Variants in SLCO4A1 observed in about 807,000 individuals in gnomAD.
SLCO4A1 encodes colon organic anion transporter.
SLCO4A1 carries 51 observed loss-of-function variants against 64.6 expected under a neutral mutation model. The ratio of observed to expected loss-of-function variants is 0.79; its 90% CI spans 0.63 to 1.00. The LOEUF (loss-of-function observed/expected upper bound fraction) is 1.00, where lower values mean the gene tolerates loss of function less well. Among genes scored for constraint, SLCO4A1 ranks in the 50% least tolerant of loss-of-function variants. The pLI, the probability that SLCO4A1 is intolerant of heterozygous loss-of-function variation, is 0.00. For missense variants in SLCO4A1, 919 were observed against 980.5 expected (o/e 0.94, Z 0.84); for synonymous variants, 471 against 444.9 (o/e 1.06, Z -0.74).
At chr20:62,658,211 C>T (rs1251872389) in intron 2 of SLCO4A1, among the ~76,000 whole-genome samples, 2 of 152,248 alleles carry the variant, frequency 1.3e-5, no homozygotes, top group Admixed American at 6.5e-5. Flanking sequence ...TGGCAGTGCT[C>T]GTCCCAAGAA....
rs866134335 is a variant in SLCO4A1 at position 62,685,280 on chromosome 20, G to A, written n.212-161G>A. Among the ~76,000 whole-genome samples, 25 of 151,206 alleles carry A rather than the reference G, an allele frequency of 1.7e-4. No homozygotes were observed. Among genetic ancestry groups the A allele is most frequent in the African/African-American group, 5.3e-4 (22 of 41,192 alleles). Reference sequence around the variant, plus strand: ...GGTGGTGGGGAGTGGGGGCTGGGTCGGGGCTGGGCCCTGGCTGCCCTGGCT... The same window carrying A: ...GGTGGTGGGGAGTGGGGGCTGGGTCAGGGCTGGGCCCTGGCTGCCCTGGCT... On this transcript the variant is annotated intron_variant and non_coding_transcript_variant, in intron 2 of 2. Transcript: ENST00000466818. The surrounding 1 kb of genome is among the most constrained non-coding windows in gnomAD (Gnocchi z 4.6).
chr20:62,681,455 CGTGTGTACACACTCGTGTGT>C (rs1271335356), intron 2 of SLCO4A1, among the ~76,000 whole-genome samples: 2 of 106,730 alleles, frequency 1.9e-5, no homozygotes, highest in Non-Finnish European at 3.7e-5. Flanking sequence ...TGTATTAAGC[CGTGTGTACACACTCGTGTGT>C]GTGTTAAGCT....
downstream of SLCO4A1, among the ~76,000 whole-genome samples, chr20:62,687,512 T>C (rs191530282): frequency 3.2e-3 from 487 of 152,324 alleles, 4 homozygotes; most frequent in African/African-American, 0.011. Flanking sequence ...TGAGGAGCAC[T>C]TGGCACCCAC....
At chr20:62,669,785 G>C (rs1399941421) in intron 11 of SLCO4A1, among the ~76,000 whole-genome samples, 1 of 152,152 alleles carries the variant, frequency 6.6e-6, no homozygotes, top group Non-Finnish European at 1.5e-5. Context: ...AGGCTTTCCA[G>C]GAGGGAGGTT....
chr20:62,671,640 T>TG, intron 11 of SLCO4A1, 110 bp from the exon 12 acceptor site: 1 of 983,652 alleles, frequency 1.0e-6, no homozygotes, highest in Non-Finnish European at 1.5e-6. Context: ...TCCGTGGACC[T>TG]GGTGAGGGTG....
rs953272263 is a variant in SLCO4A1 at position 62,660,663 on chromosome 20, C to T, written c.1009+130C>T. The stretch of plus-strand genomic sequence containing the variant: ...CAAGTCTGCGGCACACCCTCATTCT[C>T]AGTGTTCTTCCCATCTGGGTGGAGA... On this transcript the variant is annotated intron_variant, in intron 4 of 11. Transcript: ENST00000217159. The T allele has an allele frequency of 3.5e-6, 4 of 1,144,468 alleles. No individual in the cohort carries two copies. The African/African-American group carries it at 6.1e-5, about 17-fold the overall frequency. 70.9% of individuals were successfully genotyped at this position (1,144,468 alleles called of 1,614,324 possible).
intron 2 of SLCO4A1, among the ~76,000 whole-genome samples, chr20:62,678,522 CA>C (rs1297731825): frequency 2.7e-5 from 4 of 150,492 alleles, no homozygotes; most frequent in Non-Finnish European, 5.9e-5. Flanking sequence ...ATGTTTCTTA[CA>C]GCGCTATTCT....
At chr20:62,665,856 T>G (rs888534666) in intron 6 of SLCO4A1, 1 of 82,372 alleles carries the variant, frequency 1.2e-5, no homozygotes, top group Non-Finnish European at 2.4e-5. Context: ...ACCTGTCCCC[T>G]CACCTGTGCC....
At chr20:62,680,676 G>A (rs777770639) in intron 2 of SLCO4A1, among the ~76,000 whole-genome samples, 6 of 151,922 alleles carry the variant, frequency 3.9e-5, no homozygotes, top group Admixed American at 6.6e-5. Context: ...GGTAGATTGC[G>A]CTGGTCGCTT....
intron 1 of SLCO4A1, among the ~76,000 whole-genome samples, chr20:62,653,386 C>T (rs1167295303): frequency 6.6e-6 from 1 of 152,222 alleles, no homozygotes; most frequent in Non-Finnish European, 1.5e-5. Context: ...TGGCCTGCTC[C>T]CGGCCTGACC....
At chr20:62,688,438 C>T (rs1474806036), downstream of SLCO4A1, among the ~76,000 whole-genome samples, 2 of 152,238 alleles carry the variant, frequency 1.3e-5, no homozygotes, top group East Asian at 3.8e-4. Flanking sequence ...CCCCGCTCAC[C>T]TGTAGCCCCA....
intron 1 of SLCO4A1, chr20:62,651,245 G>A (rs887696245): frequency 7.2e-5 from 11 of 152,236 alleles, no homozygotes; most frequent in African/African-American, 2.7e-4. Flanking sequence ...TTTTAATGGG[G>A]AAACGGCCTC....
At chr20:62,688,164 C>T (rs541902025), downstream of SLCO4A1, among the ~76,000 whole-genome samples, 1 of 152,200 alleles carries the variant, frequency 6.6e-6, no homozygotes, top group Non-Finnish European at 1.5e-5. Flanking sequence ...GGCTGACTCA[C>T]ACGCCACCCC....
downstream of SLCO4A1, among the ~76,000 whole-genome samples, chr20:62,676,563 C>T (rs540577082): frequency 4.9e-4 from 74 of 152,330 alleles, no homozygotes; most frequent in African/African-American, 1.7e-3. Context: ...AAGATTTTCC[C>T]ACTCAGGGAA....
chr20:62,643,197 T>A lies in SLCO4A1; in HGVS notation c.-97+644T>A, dbSNP rs913659450. Reference sequence around the variant, plus strand: ...CCTTTCCCTGCCCCACCACGCGACGTCCTGGCCGTGGCTTGGGGGGACCCG... The same window carrying A: ...CCTTTCCCTGCCCCACCACGCGACGACCTGGCCGTGGCTTGGGGGGACCCG... On this transcript the variant is annotated intron_variant, in intron 1 of 11. Coordinates refer to ENST00000217159, the MANE Select transcript of SLCO4A1 (RefSeq NM_016354.4). The A allele has an allele frequency of 3.4e-5, 12 of 352,960 alleles. No individual in the cohort carries two copies. The East Asian group carries it at 1.1e-3, about 33-fold the overall frequency. 21.9% of individuals were successfully genotyped at this position (352,960 alleles called of 1,614,324 possible). A position where few individuals can be genotyped will look rare whatever the true frequency, so the allele number is the denominator to read the frequency against.
chr20:62,674,688 G>A (rs542637128), downstream of SLCO4A1, among the ~76,000 whole-genome samples: 3 of 152,274 alleles, frequency 2.0e-5, no homozygotes, highest in African/African-American at 4.8e-5. Context: ...TTCGTAGGTC[G>A]AAGCCCCAGC....
At chr20:62,679,549 T>C (rs942456525) in intron 2 of SLCO4A1, among the ~76,000 whole-genome samples, 6 of 151,930 alleles carry the variant, frequency 3.9e-5, no homozygotes, top group South Asian at 2.1e-4. Flanking sequence ...TTTTTGTAGA[T>C]AGGGTGTCTT....
chr20:62,671,283 C>T (rs1182943037), intron 11 of SLCO4A1, among the ~76,000 whole-genome samples: 1 of 152,098 alleles, frequency 6.6e-6, no homozygotes, highest in Non-Finnish European at 1.5e-5. Context: ...GCAGGGCGGG[C>T]TCCTTCCGCC....
Position 62,671,921 on chromosome 20 carries a change from CG to C in SLCO4A1, c.*31del. The C allele has an allele frequency of 6.2e-7, 1 of 1,606,326 alleles. No homozygotes were observed. The highest frequency in any genetic ancestry group is 8.5e-7 in the Non-Finnish European group (1 of 1,179,970). ...ACCGCCCGCGCCCACCCGGCCACGG[CG>C]GGCACTCAGCATTTCCTGATGACAG... On this transcript the variant is annotated 3_prime_UTR_variant, in exon 12 of 12. Transcript: ENST00000217159.
Sources: allele counts gnomAD v4.1 joint callset (sites outside exome capture counted in the v4.1 genomes callset), GRCh38; gene constraint gnomAD v4.1.1; non-coding constraint Gnocchi (gnomAD v3.1); transcripts MANE v1.5; gene names NCBI Gene and HGNC (gene_info 2026-07-23, HGNC 2026-07-21).